DNAJB14: variants seen among roughly 807,000 people sequenced by gnomAD.
DNAJB14 encodes dnaJ homolog subfamily B member 14.
Under a neutral mutation model 48.4 loss-of-function variants are expected in DNAJB14, and 22 were observed. That is an observed-to-expected ratio of 0.45 (90% CI 0.32 to 0.65). DNAJB14 has a LOEUF of 0.65. Ranked by LOEUF, DNAJB14 falls within the 30% of genes least tolerant of loss-of-function variation. The probability of loss-of-function intolerance (pLI) is 0.03; values close to 1 mark genes in which losing one functional copy is unlikely to be tolerated. For missense variants in DNAJB14, 319 were observed against 458.8 expected, an observed-to-expected ratio of 0.70 and a Z score of 2.78; for synonymous variants, 142 against 158.7, an observed-to-expected ratio of 0.89 and a Z score of 0.79.
intron 2 of DNAJB14, among the ~76,000 whole-genome samples, chr4:99,924,152 T>A (rs1378088047): frequency 1.3e-5 from 2 of 152,088 alleles, no homozygotes; most frequent in Non-Finnish European, 2.9e-5. Context: ...TTTTCAAAAT[T>A]TTTGGAGAGT....
At chr4:99,938,177 G>A (rs1024384827) in intron 1 of DNAJB14, among the ~76,000 whole-genome samples, 2 of 147,154 alleles carry the variant, frequency 1.4e-5, no homozygotes, top group Non-Finnish European at 3.0e-5. Flanking sequence ...TTGGGAGGCT[G>A]GAGAATCGCT....
At chr4:99,903,132 C>G (rs1029565855) in intron 7 of DNAJB14, among the ~76,000 whole-genome samples, 1 of 152,074 alleles carries the variant, frequency 6.6e-6, no homozygotes, top group Non-Finnish European at 1.5e-5. Context: ...AAAACAAGAA[C>G]CACAACACTC....
At chr4:99,912,072 A>G (rs1725683158) in intron 3 of DNAJB14, among the ~76,000 whole-genome samples, 1 of 152,214 alleles carries the variant, frequency 6.6e-6, no homozygotes, top group African/African-American at 2.4e-5. Context: ...ACTTTTCGTC[A>G]GGGTTAATTT....
chr4:99,912,707 G>A (rs1297767418), intron 3 of DNAJB14, among the ~76,000 whole-genome samples: 7 of 152,138 alleles, frequency 4.6e-5, no homozygotes, highest in Admixed American at 2.0e-4. Flanking sequence ...TAAAGCTCCC[G>A]ATCTCAGGTG....
intron 1 of DNAJB14, among the ~76,000 whole-genome samples, chr4:99,931,269 TA>T (rs1560744849): frequency 6.6e-6 from 1 of 152,126 alleles, no homozygotes; most frequent in African/African-American, 2.4e-5. Flanking sequence ...ACAATGAGTG[TA>T]AAAAATAATT....
chr4:99,909,111 G>C (rs965402181), intron 3 of DNAJB14, among the ~76,000 whole-genome samples: 1 of 151,946 alleles, frequency 6.6e-6, no homozygotes, highest in Non-Finnish European at 1.5e-5. Flanking sequence ...CTACTGCCTT[G>C]AAAACAAAGG....
intron 1 of DNAJB14, among the ~76,000 whole-genome samples, chr4:99,933,889 T>TA (rs914080376): frequency 4.0e-5 from 6 of 150,482 alleles, no homozygotes; most frequent in African/African-American, 7.3e-5. Flanking sequence ...CCACAGAACA[T>TA]AAAAAAAAAT....
intron 1 of DNAJB14, among the ~76,000 whole-genome samples, chr4:99,936,977 G>A (rs1726698656): frequency 6.6e-6 from 1 of 152,184 alleles, no homozygotes; most frequent in African/African-American, 2.4e-5. Flanking sequence ...CACATACACA[G>A]TTTCAAAGTA....
At chr4:99,940,012 T>C (rs889867023) in intron 1 of DNAJB14, among the ~76,000 whole-genome samples, 15 of 152,226 alleles carry the variant, frequency 9.9e-5, no homozygotes, top group African/African-American at 3.6e-4. Context: ...CGTACTGCTC[T>C]ACTAGGAGTT....
chr4:99,939,691 T>C (rs1173302294), intron 1 of DNAJB14, among the ~76,000 whole-genome samples: 1 of 152,198 alleles, frequency 6.6e-6, no homozygotes, highest in East Asian at 1.9e-4. Flanking sequence ...CAAGTGAAAA[T>C]GTGGACAAGC....
In DNAJB14 at chr4:99,906,522, C is replaced by T; in HGVS notation, c.727G>A (p.Gly243Arg). ...HSGHEREEER[G>R]DGGFSVFIQL... Reference sequence around the variant, plus strand: ...ATTTCTAGTCATAAACGTACATCTCCTCTTTCCTCTTCTCTTTCATGTCCA... The same window carrying T: ...ATTTCTAGTCATAAACGTACATCTCTTCTTTCCTCTTCTCTTTCATGTCCA... Residue 243 changes from glycine (G) to arginine (R), a missense_variant, in exon 5 of 8, where the codon GGA becomes AGA. Gly to Arg is a moderately radical substitution (Grantham distance 125). This residue lies in a region of DNAJB14 where 166 missense variants were observed against 236.3 expected (regional missense o/e 0.70). Coordinates refer to ENST00000442697, the MANE Select transcript of DNAJB14 (RefSeq NM_001031723.4). 3 of 1,611,042 alleles carry T rather than the reference C, an allele frequency of 1.9e-6. No individual in the cohort carries two copies. Among genetic ancestry groups the T allele is most frequent in the Non-Finnish European group, 2.5e-6 (3 of 1,179,378 alleles).
At chr4:99,938,343 CTTTTT>C (rs200523338) in intron 1 of DNAJB14, among the ~76,000 whole-genome samples, 5 of 120,064 alleles carry the variant, frequency 4.2e-5, no homozygotes, top group Non-Finnish European at 7.0e-5. Flanking sequence ...TGGACATGTG[CTTTTT>C]TTTTTTTTTT....
intron 1 of DNAJB14, 93 bp downstream of exon 1, chr4:99,946,346 G>A: frequency 6.6e-7 from 1 of 1,522,768 alleles, no homozygotes; most frequent in Non-Finnish European, 8.8e-7. Flanking sequence ...CGGGGGCCCC[G>A]CAGGCCTCCA....
rs1725434323 is a variant in DNAJB14 at position 99,905,607 on chromosome 4, A to G, written c.832T>C (p.Tyr278His). ...LMVSNPPYSL[Y>H]PRSGTGQTIK... ...CACTTGGCTACTTACGATCTGGGAT[A>G]TAAGGAATAAGGAGGATTAGAGACC... is the stretch of plus-strand genomic sequence containing the variant. Residue 278 changes from tyrosine to histidine, a missense_variant, in exon 6 of 8, where the codon TAT (tyrosine) becomes CAT (histidine). By Grantham distance (83) the Tyr-to-His change is moderately conservative. Transcript: ENST00000442697. 2 of 1,608,630 alleles carry G rather than the reference A, an allele frequency of 1.2e-6. No individual in the cohort carries two copies. The highest frequency in any genetic ancestry group is 1.7e-5 in the Admixed American group (1 of 59,784).
intron 3 of DNAJB14, among the ~76,000 whole-genome samples, chr4:99,910,592 G>T (rs1344659591): frequency 6.6e-6 from 1 of 151,746 alleles, no homozygotes; most frequent in Non-Finnish European, 1.5e-5. Flanking sequence ...TAAACATTAA[G>T]ATATTTTAGA....
intron 7 of DNAJB14, among the ~76,000 whole-genome samples, chr4:99,903,192 G>A (rs539038222): frequency 2.6e-5 from 4 of 152,116 alleles, no homozygotes; most frequent in African/African-American, 4.8e-5. Flanking sequence ...TTTATAGATG[G>A]AACTGTTCCT....
rs1178668422 is a variant in DNAJB14 at position 99,903,728 on chromosome 4, T to C, written c.1013A>G (p.Gln338Arg). The C allele has an allele frequency of 3.7e-6, 6 of 1,606,550 alleles. No individual in the cohort carries two copies. Among genetic ancestry groups the C allele is most frequent in the African/African-American group, 1.3e-5 (1 of 74,224 alleles). The change falls in exon 7 of 8, where the codon CAA (glutamine) becomes CGA (arginine). Residue 338 changes from glutamine to arginine, a missense_variant and splice_region_variant. Physicochemically the swap from Gln to Arg is conservative, Grantham distance 43. Transcript: ENST00000442697. ...TGTTAAACACATGACAAACTTACTT[T>C]GTTGTCTTTCTTTCCAGCAGTTATT... ...IRNNCWKERQ[Q>R]KTDMQYAAKV...
chr4:99,904,413 G>A lies in DNAJB14; in HGVS notation c.843-515C>T, dbSNP rs541224705. Among the ~76,000 whole-genome samples, 14 of 152,224 alleles carry A rather than the reference G, an allele frequency of 9.2e-5. No homozygotes were observed. In the South Asian group the frequency reaches 2.9e-3, roughly 32 times the overall value. On this transcript the variant is annotated intron_variant, in intron 6 of 7. Transcript: ENST00000442697. ...TGAGATAGTGATACCTTTGCTTTCT[G>A]ATAGTTCAATGTATACAAACTTTGT...
chr4:99,929,742 G>A (rs1726392755), intron 2 of DNAJB14: 3 of 152,096 alleles, frequency 2.0e-5, no homozygotes, highest in Admixed American at 2.0e-4. Context: ...CACTCTCCAT[G>A]AGAATTCTTG....
Sources: gnomAD v4.1 joint callset for allele counts (sites outside exome capture counted in the v4.1 genomes callset) on GRCh38, gnomAD v4.1.1 for gene constraint, gnomAD v4.1.1 regional missense constraint, MANE v1.5 for transcripts, NCBI Gene and HGNC (gene_info 2026-07-23, HGNC 2026-07-21) for gene names.